THBS4: variants seen among roughly 807,000 people sequenced by gnomAD.
THBS4 encodes the protein thrombospondin 4.
Under a neutral mutation model 115.7 loss-of-function variants are expected in THBS4, and 90 were observed. The ratio of observed to expected loss-of-function variants is 0.78; its 90% CI spans 0.66 to 0.93. The LOEUF (loss-of-function observed/expected upper bound fraction) is 0.93, where lower values mean the gene tolerates loss of function less well. Among genes scored for constraint, THBS4 ranks in the 40% least tolerant of loss-of-function variants. The probability of loss-of-function intolerance (pLI) is 0.00; values close to 1 mark genes in which losing one functional copy is unlikely to be tolerated. For synonymous variants in THBS4, 460 were observed against 479.3 expected (o/e 0.96, Z 0.53); for missense variants, 1,087 against 1,232.7 (o/e 0.88, Z 1.77).
chr5:80,065,324 A>C, intron 8 of THBS4, 85 bp from the exon 9 acceptor site: 2 of 1,280,642 alleles, frequency 1.6e-6, no homozygotes, highest in South Asian at 1.3e-5. Flanking sequence ...ACTTCACACA[A>C]AGATAGCAAA....
intron 2 of THBS4, among the ~76,000 whole-genome samples, chr5:80,015,235 A>G (rs531622235): frequency 6.6e-6 from 1 of 152,318 alleles, no homozygotes; most frequent in South Asian, 2.1e-4. Context: ...GGATGGGGAA[A>G]GTTTTGGTTT....
At chr5:79,994,951 G>T (rs771298981) in intron 1 of THBS4, among the ~76,000 whole-genome samples, 4 of 152,218 alleles carry the variant, frequency 2.6e-5, no homozygotes. Flanking sequence ...AGCTGATCTC[G>T]AAGGGTGGGT....
At chr5:80,061,427 A>G (rs1833630297) in intron 7 of THBS4, among the ~76,000 whole-genome samples, 1 of 152,206 alleles carries the variant, frequency 6.6e-6, no homozygotes, top group Admixed American at 6.5e-5. Context: ...AGCTTATTAC[A>G]TTGAGAGGTA....
rs201677196 is a variant in THBS4, at chr5:80,082,365, G to A, written c.2685-41G>A. The A allele has an allele frequency of 4.0e-5, 65 of 1,609,170 alleles. No individual in the cohort carries two copies. The African/African-American group carries it at 6.9e-4, about 17-fold the overall frequency. On this transcript the variant is annotated intron_variant, in intron 20 of 21. Transcript: ENST00000350881. ...CCTCACAGTGGGCACTTTACCCCGG[G>A]TTGGATTTCATGGAGGCCCCTCCGG...
intron 2 of THBS4, among the ~76,000 whole-genome samples, chr5:80,020,335 G>T (rs191218248): frequency 6.5e-4 from 99 of 152,218 alleles, no homozygotes; most frequent in African/African-American, 2.3e-3. Flanking sequence ...TTAGCCAGGC[G>T]TGGTGGCAGG....
chr5:80,052,410 A>G (rs886211230), intron 2 of THBS4: 10 of 152,350 alleles, frequency 6.6e-5, no homozygotes, highest in African/African-American at 2.4e-4. Context: ...TAGAATTTCT[A>G]TTTGTGTCTA....
intron 8 of THBS4, among the ~76,000 whole-genome samples, chr5:80,062,722 C>G (rs1256464284): frequency 3.3e-5 from 5 of 152,112 alleles, no homozygotes. Context: ...GTGTGACATT[C>G]CCCACCCTGT....
rs1832842348 is a variant in THBS4 at position 80,040,010 on chromosome 5, CAAAG to C, written c.89-63_89-60del. 3 of 1,449,056 alleles carry C rather than the reference CAAAG, an allele frequency of 2.1e-6. No homozygotes were observed. The African/African-American group carries it at 4.2e-5, about 20-fold the overall frequency. 89.8% of individuals were successfully genotyped at this position (1,449,056 alleles called of 1,614,324 possible). On this transcript the variant is annotated intron_variant, in intron 1 of 21. Coordinates refer to ENST00000350881, the MANE Select transcript of THBS4 (RefSeq NM_003248.6). Reference sequence around the variant, plus strand: ...ACTGTCAAATTGCACCCCCCCCAAACAAAGAAACCCTGTTTTCCCCAAAATTGAA... The same window carrying C: ...ACTGTCAAATTGCACCCCCCCCAAACAAACCCTGTTTTCCCCAAAATTGAA...
intron 7 of THBS4, among the ~76,000 whole-genome samples, chr5:80,061,372 A>G (rs139847580): frequency 7.7e-4 from 118 of 152,312 alleles, no homozygotes; most frequent in Middle Eastern, 3.4e-3. Context: ...CCAGGGACAT[A>G]GTCCTTTCAC....
At position 80,048,917 on chromosome 5, in the gene THBS4, A is replaced by G. The variant is rs1165840655; in HGVS notation, c.293-6868A>G. Among the ~76,000 whole-genome samples the G allele has an allele frequency of 2.6e-5, 4 of 152,334 alleles. No individual in the cohort carries two copies. In the East Asian group the frequency reaches 7.7e-4, roughly 29 times the overall value. On this transcript the variant is annotated intron_variant, in intron 2 of 21. Coordinates refer to ENST00000350881, the MANE Select transcript of THBS4 (RefSeq NM_003248.6). The stretch of plus-strand genomic sequence containing the variant: ...CAAGGAGGCAATTTTTAAATGTACA[A>G]TTATTTAAAAAGAAGAGGAAAGATT...
chr5:80,035,767 T>A lies in THBS4; in HGVS notation c.88+142T>A. 1.6e-6 allele frequency: 1 copy of A among 606,708 alleles called. No individual in the cohort carries two copies. The highest frequency in any genetic ancestry group is 7.9e-5 in the South Asian group (1 of 12,610). 37.6% of individuals were successfully genotyped at this position (606,708 alleles called of 1,614,324 possible). On this transcript the variant is annotated intron_variant, in intron 1 of 21. Transcript: ENST00000350881. The surrounding 1 kb of genome is among the most constrained non-coding windows in gnomAD (Gnocchi z 4.6). ...CCCTCCCGGGCCCAATCAAAGCATATTGTGATTGGAGGTAGTGATTAGTCT... is the reference window on the plus strand; with the variant it reads ...CCCTCCCGGGCCCAATCAAAGCATAATGTGATTGGAGGTAGTGATTAGTCT...
intron 2 of THBS4, among the ~76,000 whole-genome samples, chr5:80,011,516 T>G (rs553259671): frequency 6.6e-6 from 1 of 152,320 alleles, no homozygotes; most frequent in South Asian, 2.1e-4. Flanking sequence ...CTTTGATTTG[T>G]TCAGCTTATT....
intron 8 of THBS4, among the ~76,000 whole-genome samples, chr5:80,062,678 T>TC (rs1306212746): frequency 6.6e-6 from 1 of 151,980 alleles, no homozygotes; most frequent in Admixed American, 6.6e-5. Context: ...ATGCTATCCT[T>TC]CCCCCCTCCC....
chr5:80,054,217 C>T lies in THBS4; in HGVS notation c.293-1568C>T, dbSNP rs186863992. ...TTGCCCAGGCTGGAGTGCAGTGGTT[C>T]GATCATGGCTCACTGCAGCCTCAAT... On this transcript the variant is annotated intron_variant, in intron 2 of 21. Transcript: ENST00000350881. Among the ~76,000 whole-genome samples the T allele has an allele frequency of 2.1e-3, 273 of 131,016 alleles. 2 individuals carry two copies. Among genetic ancestry groups the T allele is most frequent in the African/African-American group, 7.8e-3 (262 of 33,616 alleles). 86.0% of individuals were successfully genotyped at this position (131,016 alleles called of 152,430 possible).
intron 3 of THBS4, among the ~76,000 whole-genome samples, 161 bp from the exon 4 acceptor site, chr5:80,058,045 C>G (rs1159699829): frequency 6.6e-6 from 1 of 152,160 alleles, no homozygotes; most frequent in Non-Finnish European, 1.5e-5. Flanking sequence ...AAAGATAGGG[C>G]TGGCAGGCTT....
In THBS4 at chr5:80,056,043, A is replaced by G. The variant is rs529564747; in HGVS notation, c.540+11A>G. The G allele has an allele frequency of 5.5e-5, 88 of 1,586,700 alleles. No individual in the cohort carries two copies. In the East Asian group the frequency reaches 1.2e-3, roughly 22 times the overall value. On this transcript the variant is annotated intron_variant, in intron 3 of 21. Transcript: ENST00000350881. ...CAGAGGAAGCCACAGGTAGGAACCCACAAACCATTCTCTGAAGTGGAAAAA... is the reference window on the plus strand; with the variant it reads ...CAGAGGAAGCCACAGGTAGGAACCCGCAAACCATTCTCTGAAGTGGAAAAA...
exon 1 of THBS4, chr5:79,991,350 A>T: frequency 3.1e-6 from 3 of 953,522 alleles, no homozygotes; most frequent in East Asian, 2.8e-5. Context: ...GGCTCTTGAG[A>T]GATGAGAGAA....
At chr5:80,016,459 C>G (rs543716115) in intron 2 of THBS4, among the ~76,000 whole-genome samples, 1 of 152,012 alleles carries the variant, frequency 6.6e-6, no homozygotes, top group Non-Finnish European at 1.5e-5. Context: ...TGGGATTGGT[C>G]TGCGAAATGG....
chr5:80,023,485 A>G (rs1286045593), intron 2 of THBS4, among the ~76,000 whole-genome samples: 1 of 152,192 alleles, frequency 6.6e-6, no homozygotes, highest in Non-Finnish European at 1.5e-5. Context: ...CTAACAGAGT[A>G]TGCTCTACTT....
Sources: allele counts gnomAD v4.1 joint callset (sites outside exome capture counted in the v4.1 genomes callset), GRCh38; gene constraint gnomAD v4.1.1; non-coding constraint Gnocchi (gnomAD v3.1); transcripts MANE v1.5; gene names NCBI Gene and HGNC (gene_info 2026-07-23, HGNC 2026-07-21).